PRRC2A: variants seen among roughly 807,000 people sequenced by gnomAD.
PRRC2A encodes the protein protein PRRC2A.
PRRC2A carries 59 observed loss-of-function variants against 224.6 expected under a neutral mutation model. The observed-to-expected ratio is 0.26, with a 90% confidence interval of 0.21 to 0.33. The LOEUF (loss-of-function observed/expected upper bound fraction) is 0.33, where lower values mean the gene tolerates loss of function less well. Ranked by LOEUF, PRRC2A falls within the 10% of genes least tolerant of loss-of-function variation. The pLI, the probability that PRRC2A is intolerant of heterozygous loss-of-function variation, is 1.00. For missense variants in PRRC2A, 3,095 were observed against 2,880.7 expected, an observed-to-expected ratio of 1.07 and a Z score of -1.70; for synonymous variants, 1,194 against 1,109.5, an observed-to-expected ratio of 1.08 and a Z score of -1.51.
chr6:31,625,652 G>T lies in PRRC2A; in HGVS notation c.759+41G>T. 1 of 1,605,940 alleles carries T rather than the reference G, an allele frequency of 6.2e-7. No homozygotes were observed. The highest frequency in any genetic ancestry group is 8.5e-7 in the Non-Finnish European group (1 of 1,174,872). On this transcript the variant is annotated intron_variant, in intron 7 of 30. Transcript: ENST00000376033. The surrounding 1 kb of genome is among the most constrained non-coding windows in gnomAD (Gnocchi z 4.1). Reference sequence around the variant, plus strand: ...TTGTCTTGGAACGATTACACTGGAAGCTGGAGAGCTAGGAATCAGGACTTA... The same window carrying T: ...TTGTCTTGGAACGATTACACTGGAATCTGGAGAGCTAGGAATCAGGACTTA...
chr6:31,625,390 C>A lies in PRRC2A; in HGVS notation c.608-70C>A. On this transcript the variant is annotated intron_variant, in intron 6 of 30. Transcript: ENST00000376033. The surrounding 1 kb of genome is among the most constrained non-coding windows in gnomAD (Gnocchi z 4.1). ...GGTGCTGGCTTATTCACCTTCCTCCCCATCACTTTCAGCTGTGTTCACTTG... is the reference window on the plus strand; with the variant it reads ...GGTGCTGGCTTATTCACCTTCCTCCACATCACTTTCAGCTGTGTTCACTTG... The A allele has an allele frequency of 6.2e-7, 1 of 1,612,392 alleles. No homozygotes were observed. Among genetic ancestry groups the A allele is most frequent in the Non-Finnish European group, 8.5e-7 (1 of 1,178,386 alleles).
chr6:31,631,018 T>C lies in PRRC2A; in HGVS notation c.2466-121T>C. On this transcript the variant is annotated intron_variant, in intron 15 of 30. Coordinates refer to ENST00000376033, the MANE Select transcript of PRRC2A (RefSeq NM_004638.4). The surrounding 1 kb of genome is among the most constrained non-coding windows in gnomAD (Gnocchi z 4.5). ...CTAGCCTCGGCAACTGGATGCCATCTCTGCCAAAACAAACAGAAAAATAGT... is the reference window on the plus strand; with the variant it reads ...CTAGCCTCGGCAACTGGATGCCATCCCTGCCAAAACAAACAGAAAAATAGT... The C allele has an allele frequency of 7.9e-7, 1 of 1,272,378 alleles. No homozygotes were observed. Among genetic ancestry groups the C allele is most frequent in the Non-Finnish European group, 1.1e-6 (1 of 925,996 alleles). The allele number at this position is 1,272,378 out of a possible 1,614,324, so 78.8% of individuals were successfully genotyped here.
At chr6:31,633,036 G>A (rs1432846948) in intron 16 of PRRC2A, 44 bp downstream of exon 16, 1 of 1,461,318 alleles carries the variant, frequency 6.8e-7, no homozygotes, top group African/African-American at 1.4e-5. Context: ...AAAATTGGAG[G>A]AGGGGGAAAA....
In PRRC2A at chr6:31,625,262, A is replaced by G; in HGVS notation, c.555A>G (p.Glu185=). The stretch of plus-strand genomic sequence containing the variant: ...GCGACCAGGACAAGGCTGCCAAGGA[A>G]AGGGAGTCTGCCGAACAGTCGTCTG... ...AAGDQDKAAK[E]RESAEQSSGP... The change falls in exon 6 of 31, where the codon GAA becomes GAG. Residue 185 remains glutamate (E), a synonymous_variant. Coordinates refer to ENST00000376033, the MANE Select transcript of PRRC2A (RefSeq NM_004638.4). This position sits in a 1 kb window ranked among gnomAD's most constrained non-coding sequence, Gnocchi z 4.1. The G allele has an allele frequency of 6.2e-7, 1 of 1,613,270 alleles. No individual in the cohort carries two copies. The highest frequency in any genetic ancestry group is 8.5e-7 in the Non-Finnish European group (1 of 1,180,026).
At chr6:31,628,875 TA>T in intron 12 of PRRC2A, 1 of 449,362 alleles carries the variant, frequency 2.2e-6, no homozygotes. Flanking sequence ...AATACATAAA[TA>T]AAAATGAAAA....
rs779811645 is a variant in PRRC2A, at chr6:31,632,566, C to T, written c.3893C>T (p.Ala1298Val). 1 of 1,612,346 alleles carries T rather than the reference C, an allele frequency of 6.2e-7. No individual in the cohort carries two copies. Among genetic ancestry groups the T allele is most frequent in the East Asian group, 2.2e-5 (1 of 44,882 alleles). The change falls in exon 16 of 31, where the codon GCA becomes GTA. Residue 1298 changes from alanine (A) to valine (V), a missense_variant. Physicochemically the swap from Ala to Val is moderately conservative, Grantham distance 64 (BLOSUM62 0). This residue lies in a region of PRRC2A where 2,001 missense variants were observed against 1,764.9 expected (regional missense o/e 1.13). Transcript: ENST00000376033. ...CTCACAACAGTCACAGTGGCCCCAGCACCTCGCCGGGCAGCTGCCAAGTCT... is the reference window on the plus strand; with the variant it reads ...CTCACAACAGTCACAGTGGCCCCAGTACCTCGCCGGGCAGCTGCCAAGTCT... ...EALTTVTVAP[A>V]PRRAAAKSPD...
chr6:31,629,038 A>G (rs990645183), intron 12 of PRRC2A, 106 bp from the exon 13 acceptor site: 33 of 1,157,338 alleles, frequency 2.9e-5, no homozygotes, highest in Non-Finnish European at 3.8e-5. Flanking sequence ...GTTGAATAGA[A>G]TATTTTAGTC....
rs751826626 is a variant in PRRC2A at position 31,637,498 on chromosome 6, G to A, written c.6386G>A (p.Gly2129Glu). 1 of 1,575,176 alleles carries A rather than the reference G, an allele frequency of 6.3e-7. No homozygotes were observed. Among genetic ancestry groups the A allele is most frequent in the South Asian group, 1.2e-5 (1 of 85,648 alleles). ...ATACCTAAGCCTTGGGAGCGGACAG[G>A]GCCGCCACCTCGAGAAGGGCCCTCC... ...RWIPKPWERT[G>E]PPPREGPSRR... is the part of the protein sequence containing the mutation. The change falls in exon 31 of 31, where the codon GGG becomes GAG. Residue 2129 changes from glycine to glutamate, a missense_variant. Transcript: ENST00000376033.
At position 31,632,298 on chromosome 6, in the gene PRRC2A, T is replaced by C. The variant is rs1210923916; in HGVS notation, c.3625T>C (p.Leu1209=). The C allele has an allele frequency of 6.2e-7, 1 of 1,613,092 alleles. No homozygotes were observed. Among genetic ancestry groups the C allele is most frequent in the South Asian group, 1.1e-5 (1 of 91,082 alleles). ...TGPLPPSKEP[L]KEKLIPGPLS... ...CCCTTTGCCACCAAGTAAGGAGCCTTTGAAAGAGAAGTTGATCCCAGGGCC... is the reference window on the plus strand; with the variant it reads ...CCCTTTGCCACCAAGTAAGGAGCCTCTGAAAGAGAAGTTGATCCCAGGGCC... The change falls in exon 16 of 31, where the codon TTG becomes CTG. Residue 1209 remains leucine (L), a synonymous_variant. Transcript: ENST00000376033.
In PRRC2A at chr6:31,631,116, A is replaced by C; in HGVS notation, c.2466-23A>C. On this transcript the variant is annotated intron_variant, in intron 15 of 30. Transcript: ENST00000376033. This position sits in a 1 kb window ranked among gnomAD's most constrained non-coding sequence, Gnocchi z 4.5. ...TGGTTTTCCTGAGATACTTATTTCC[A>C]TTCTTTCTGTCTGTCTCTTCAGGAG... 1 of 1,460,150 alleles carries C rather than the reference A, an allele frequency of 6.8e-7. No homozygotes were observed. 90.4% of individuals were successfully genotyped at this position (1,460,150 alleles called of 1,614,324 possible). A position where few individuals can be genotyped will look rare whatever the true frequency, so the allele number is the denominator to read the frequency against.
chr6:31,623,346 C>T (rs1034748294), intron 2 of PRRC2A: 4 of 394,782 alleles, frequency 1.0e-5, no homozygotes, highest in African/African-American at 8.9e-5. Flanking sequence ...TGACTTACCA[C>T]AACCTCCACC....
chr6:31,632,569 C>T lies in PRRC2A; in HGVS notation c.3896C>T (p.Pro1299Leu), dbSNP rs1001412765. The T allele has an allele frequency of 6.2e-7, 1 of 1,612,454 alleles. No homozygotes were observed. Among genetic ancestry groups the T allele is most frequent in the African/African-American group, 1.3e-5 (1 of 74,944 alleles). ...ACAACAGTCACAGTGGCCCCAGCAC[C>T]TCGCCGGGCAGCTGCCAAGTCTCCT... ...ALTTVTVAPA[P>L]RRAAAKSPDL... Residue 1299 changes from proline (P) to leucine (L), a missense_variant, in exon 16 of 31, where the codon CCT becomes CTT. Pro to Leu is a moderately conservative substitution (Grantham distance 98, BLOSUM62 -3). Around this residue, in one of 8 missense-constraint regions of PRRC2A, gnomAD observed 2,001 missense variants for 1,764.9 expected, o/e 1.13. Transcript: ENST00000376033.
In PRRC2A at chr6:31,635,709, C is replaced by T; in HGVS notation, c.5501C>T (p.Pro1834Leu). 3.7e-6 allele frequency: 6 copies of T among 1,608,398 alleles called. No homozygotes were observed. Among genetic ancestry groups the T allele is most frequent in the Non-Finnish European group, 5.1e-6 (6 of 1,177,516 alleles). ...AGCTCCTCAGGCCAGCGCCTGTATC[C>T]TGAGGTTTTCTATGGCAGTGCTGGG... ...EPSSSGQRLY[P>L]EVFYGSAGPS... is the part of the protein sequence containing the mutation. The change falls in exon 24 of 31, where the codon CCT becomes CTT. Residue 1834 changes from proline (P) to leucine (L), a missense_variant. By Grantham distance (98) the Pro-to-Leu change is moderately conservative. Transcript: ENST00000376033.
chr6:31,621,847 G>C (rs1323084417), intron 1 of PRRC2A, among the ~76,000 whole-genome samples: 1 of 152,174 alleles, frequency 6.6e-6, no homozygotes, highest in Non-Finnish European at 1.5e-5. Flanking sequence ...TGGAGGTATC[G>C]AGTAAAGAAA....
In PRRC2A at chr6:31,635,161, T is replaced by C; in HGVS notation, c.5190T>C (p.Pro1730=). ...TGCCCCGGGAGCAGCCTCTGCCCCC[T>C]GGCCCCATTGGCACAGAACGATCAC... ...KELPREQPLP[P]GPIGTERSQR... The change falls in exon 22 of 31, where the codon CCT becomes CCC. Residue 1730 remains proline, a synonymous_variant. Transcript: ENST00000376033. 6.2e-7 allele frequency: 1 copy of C among 1,612,776 alleles called. No individual in the cohort carries two copies. Among genetic ancestry groups the C allele is most frequent in the Non-Finnish European group, 8.5e-7 (1 of 1,178,804 alleles).
In PRRC2A at chr6:31,627,086, C is replaced by T. The variant is rs768183262; in HGVS notation, c.1178C>T (p.Ala393Val). The change falls in exon 11 of 31, where the codon GCA becomes GTA. Residue 393 changes from alanine to valine, a missense_variant. Around this residue, in one of 8 missense-constraint regions of PRRC2A, gnomAD observed 2,001 missense variants for 1,764.9 expected, o/e 1.13. Transcript: ENST00000376033. This position sits in a 1 kb window ranked among gnomAD's most constrained non-coding sequence, Gnocchi z 5.6. ...SEPPTPKTAW[A>V]ETSRPPETEP... ...CCGCCCACTCCTAAGACGGCCTGGG[C>T]AGAAACCTCTCGGCCTCCAGAGACA... The T allele has an allele frequency of 6.2e-7, 1 of 1,614,178 alleles. No homozygotes were observed. Among genetic ancestry groups the T allele is most frequent in the Non-Finnish European group, 8.5e-7 (1 of 1,180,024 alleles).
At position 31,627,125 on chromosome 6, in the gene PRRC2A, C is replaced by G; in HGVS notation, c.1217C>G (p.Pro406Arg). 1 of 1,614,012 alleles carries G rather than the reference C, an allele frequency of 6.2e-7. No individual in the cohort carries two copies. Among genetic ancestry groups the G allele is most frequent in the Non-Finnish European group, 8.5e-7 (1 of 1,179,980 alleles). ...SRPPETEPGPPAPKPPLPPPH... is the reference protein window; with the variant it reads ...SRPPETEPGPRAPKPPLPPPH... ...CCTCCAGAGACAGAGCCGGGACCTC[C>G]TGCCCCAAAGCCTCCCCTACCCCCA... The change falls in exon 11 of 31, where the codon CCT becomes CGT. Residue 406 changes from proline (P) to arginine (R), a missense_variant. Physicochemically the swap from Pro to Arg is moderately radical, Grantham distance 103. Coordinates refer to ENST00000376033, the MANE Select transcript of PRRC2A (RefSeq NM_004638.4). The surrounding 1 kb of genome is among the most constrained non-coding windows in gnomAD (Gnocchi z 5.6).
Position 31,628,697 on chromosome 6 carries a change from C to G in PRRC2A, c.1766-447C>G, listed in dbSNP as rs147293562. ...CTCTACTAAAAATACAAAAATTAGC[C>G]AAGTGTGGTGGCATGTGCTTGTAGT... On this transcript the variant is annotated intron_variant, in intron 12 of 30. Coordinates refer to ENST00000376033, the MANE Select transcript of PRRC2A (RefSeq NM_004638.4). 298 of 215,278 alleles carry G rather than the reference C, an allele frequency of 1.4e-3. 7 individuals carry two copies. The East Asian group carries it at 0.024, about 18-fold the overall frequency. 13.3% of individuals were successfully genotyped at this position (215,278 alleles called of 1,614,324 possible). A position where few individuals can be genotyped will look rare whatever the true frequency, so the allele number is the denominator to read the frequency against.
Position 31,631,665 on chromosome 6 carries a change from C to G in PRRC2A, c.2992C>G (p.Pro998Ala), listed in dbSNP as rs780699754. 9 of 1,514,894 alleles carry G rather than the reference C, an allele frequency of 5.9e-6. No individual in the cohort carries two copies. The highest frequency in any genetic ancestry group is 7.1e-6 in the Non-Finnish European group (8 of 1,133,592). The allele number at this position is 1,514,894 out of a possible 1,614,324, so 93.8% of individuals were successfully genotyped here. Residue 998 changes from proline to alanine, a missense_variant, in exon 16 of 31, where the codon CCA becomes GCA. Coordinates refer to ENST00000376033, the MANE Select transcript of PRRC2A (RefSeq NM_004638.4). This position sits in a 1 kb window ranked among gnomAD's most constrained non-coding sequence, Gnocchi z 4.5. Reference sequence around the variant, plus strand: ...GAAGCTAGGGGGCCCCAAGGAGACCCCACCCAATGGAAATCTTTCCCCTGC... The same window carrying G: ...GAAGCTAGGGGGCCCCAAGGAGACCGCACCCAATGGAAATCTTTCCCCTGC... ...KGKLGGPKET[P>A]PNGNLSPAPR...
Sources: gnomAD v4.1 joint callset for allele counts (sites outside exome capture counted in the v4.1 genomes callset) on GRCh38, gnomAD v4.1.1 for gene constraint, gnomAD v4.1.1 regional missense constraint, Gnocchi (gnomAD v3.1) non-coding constraint, MANE v1.5 for transcripts, NCBI Gene and HGNC (gene_info 2026-07-23, HGNC 2026-07-21) for gene names.